The following GRM5 variants were observed in gnomAD, a reference collection of about 807,000 sequenced individuals.
GRM5 encodes the protein glutamate metabotropic receptor 5.
Under a neutral mutation model 83.1 loss-of-function variants are expected in GRM5, and 19 were observed. That is an observed-to-expected ratio of 0.23 (90% CI 0.16 to 0.34). The LOEUF is 0.34. GRM5 is among the 10% of genes least tolerant of loss of function. The probability of loss-of-function intolerance (pLI) is 1.00; values close to 1 mark genes in which losing one functional copy is unlikely to be tolerated. For missense variants in GRM5, 1,160 were observed against 1,588.3 expected (o/e 0.73, Z 4.58); for synonymous variants, 675 against 633.6 (o/e 1.07, Z -0.98).
In GRM5 at chr11:88,630,968, C is replaced by A. The variant is rs527964781; in HGVS notation, c.1147+22200G>T. 1.8e-4 allele frequency among the ~76,000 whole-genome samples: 27 copies of A among 152,290 alleles called. No homozygotes were observed. In the East Asian group the frequency reaches 5.2e-3, roughly 29 times the overall value. On this transcript the variant is annotated intron_variant, in intron 4 of 9. Transcript: ENST00000305447. ...GGCTCTCCTGTCTTCAGTACCATGTCACAGCTGTGGGGACAGCGGTTTCTT... is the reference window on the plus strand; with the variant it reads ...GGCTCTCCTGTCTTCAGTACCATGTAACAGCTGTGGGGACAGCGGTTTCTT...
chr11:88,833,373 C>T (rs1010853251), intron 3 of GRM5, among the ~76,000 whole-genome samples: 1 of 151,958 alleles, frequency 6.6e-6, no homozygotes, highest in African/African-American at 2.4e-5. Flanking sequence ...CCGACAGGTA[C>T]ATGAAGGAAT....
rs1206174296 is a variant in GRM5 at position 88,612,270 on chromosome 11, A to G, written c.1148-7306T>C. Among the ~76,000 whole-genome samples the G allele has an allele frequency of 3.3e-5, 5 of 149,904 alleles. No homozygotes were observed. The East Asian group carries it at 5.8e-4, about 17-fold the overall frequency. On this transcript the variant is annotated intron_variant, in intron 4 of 9. Transcript: ENST00000305447. ...ACTGAGAATGATGATTTCCAATTTC[A>G]TCCATGTCCCTACAAAGGACATGAA... is the stretch of plus-strand genomic sequence containing the variant.
chr11:89,002,885 A>G (rs1430989788), intron 2 of GRM5, among the ~76,000 whole-genome samples: 2 of 152,020 alleles, frequency 1.3e-5, no homozygotes, highest in Non-Finnish European at 2.9e-5. Flanking sequence ...TCTTCTCAGT[A>G]AGGCTCACCC....
At chr11:88,591,624 G>T (rs192725012) in intron 6 of GRM5, among the ~76,000 whole-genome samples, 2 of 152,306 alleles carry the variant, frequency 1.3e-5, no homozygotes, top group East Asian at 3.9e-4. Context: ...AGTCTTAGAT[G>T]CTAACTCTAG....
intron 8 of GRM5, among the ~76,000 whole-genome samples, chr11:88,532,157 C>T (rs1252303174): frequency 1.3e-5 from 2 of 152,156 alleles, no homozygotes; most frequent in African/African-American, 4.8e-5. Context: ...ATGGAATGGA[C>T]ACTAATGAGG....
intron 3 of GRM5, among the ~76,000 whole-genome samples, chr11:88,709,872 A>G (rs1941244742): frequency 6.6e-6 from 1 of 152,138 alleles, no homozygotes; most frequent in Non-Finnish European, 1.5e-5. Context: ...TCTCAATAGG[A>G]AACAACTGTG....
chr11:88,661,583 T>A (rs1265441847), intron 3 of GRM5, among the ~76,000 whole-genome samples: 4 of 152,138 alleles, frequency 2.6e-5, no homozygotes, highest in Non-Finnish European at 5.9e-5. Context: ...TTTGGGATTT[T>A]AAAAAATTCT....
chr11:88,775,048 C>T lies in GRM5; in HGVS notation c.911+74858G>A, dbSNP rs541194706. ...GGTACCAGCTCCTCATTGTAGAATT[C>T]GGCTGTGAATCCTTCTGGTCCTGGA... On this transcript the variant is annotated intron_variant, in intron 3 of 9. Coordinates refer to ENST00000305447, the MANE Select transcript of GRM5 (RefSeq NM_001143831.3). 5.3e-5 allele frequency among the ~76,000 whole-genome samples: 8 copies of T among 151,444 alleles called. No homozygotes were observed. The South Asian group carries it at 8.3e-4, about 16-fold the overall frequency.
intron 4 of GRM5, among the ~76,000 whole-genome samples, chr11:88,626,679 T>A (rs1425742136): frequency 6.6e-6 from 1 of 152,150 alleles, no homozygotes; most frequent in Non-Finnish European, 1.5e-5. Context: ...TTGAAGAAAC[T>A]CTAATTCCTA....
chr11:88,543,873 T>C (rs1011805246), intron 8 of GRM5, among the ~76,000 whole-genome samples: 1 of 152,046 alleles, frequency 6.6e-6, no homozygotes, highest in Non-Finnish European at 1.5e-5. Flanking sequence ...AGCTTGAAAA[T>C]GTCACCAAAA....
At chr11:88,745,782 T>C (rs911135556) in intron 3 of GRM5, among the ~76,000 whole-genome samples, 2 of 152,180 alleles carry the variant, frequency 1.3e-5, no homozygotes, top group Non-Finnish European at 2.9e-5. Context: ...TGGTAGGCTG[T>C]AGTGATAGAG....
chr11:88,623,987 G>C (rs1027040786), intron 4 of GRM5, among the ~76,000 whole-genome samples: 1 of 152,130 alleles, frequency 6.6e-6, no homozygotes, highest in African/African-American at 2.4e-5. Flanking sequence ...ATGTTGTTTG[G>C]AAAAGCAACC....
chr11:88,919,521 G>A (rs1221624945), intron 2 of GRM5, among the ~76,000 whole-genome samples: 2 of 150,974 alleles, frequency 1.3e-5, no homozygotes, highest in Non-Finnish European at 3.0e-5. Flanking sequence ...AGAAATATCA[G>A]ACTTAATAGG....
intron 2 of GRM5, among the ~76,000 whole-genome samples, chr11:88,992,931 G>T (rs985288366): frequency 1.3e-5 from 2 of 151,332 alleles, no homozygotes; most frequent in African/African-American, 2.4e-5. Flanking sequence ...CGAGTTAATG[G>T]GTGTAGCACA....
rs181433995 is a variant in GRM5 at position 88,984,451 on chromosome 11, G to A, written c.661+62761C>T. Among the ~76,000 whole-genome samples the A allele has an allele frequency of 2.3e-3, 344 of 152,206 alleles. 3 individuals carry two copies. The highest frequency in any genetic ancestry group is 0.019 in the East Asian group (98 of 5,186). On this transcript the variant is annotated intron_variant, in intron 2 of 9. Transcript: ENST00000305447. ...AGTGTAGCGTAGGCTATCCCATCTA[G>A]GTTTATGTAAGTACACTCTATGATG...
intron 3 of GRM5, among the ~76,000 whole-genome samples, chr11:88,723,451 G>GTT (rs1941595628): frequency 6.6e-6 from 1 of 152,076 alleles, no homozygotes; most frequent in South Asian, 2.1e-4. Context: ...GTAGGAAACT[G>GTT]TTTGTTCGTT....
chr11:88,975,622 G>A (rs745646145), intron 2 of GRM5, among the ~76,000 whole-genome samples: 2 of 152,194 alleles, frequency 1.3e-5, no homozygotes, highest in Non-Finnish European at 2.9e-5. Context: ...TGATGGAAAT[G>A]TAAAATCCTA....
chr11:88,509,445 A>G lies in GRM5; in HGVS notation c.2786T>C (p.Leu929Pro), dbSNP rs1427027870. Residue 929 changes from leucine (L) to proline (P), a missense_variant, in exon 10 of 10, where the codon CTG becomes CCG. Transcript: ENST00000305447. Reference sequence around the variant, plus strand: ...GATGTGGATGGACAGGCGCTGCCACAGGTGCTGCCCCCGGCTGCTCTTCTC... The same window carrying G: ...GATGTGGATGGACAGGCGCTGCCACGGGTGCTGCCCCCGGCTGCTCTTCTC... ...QNEKSSRGQH[L>P]WQRLSIHINK... The G allele has an allele frequency of 6.2e-7, 1 of 1,612,558 alleles. No homozygotes were observed. The highest frequency in any genetic ancestry group is 1.3e-5 in the African/African-American group (1 of 74,924).
intron 6 of GRM5, among the ~76,000 whole-genome samples, chr11:88,591,902 G>A (rs1442514009): frequency 2.0e-5 from 3 of 152,112 alleles, no homozygotes; most frequent in Non-Finnish European, 2.9e-5. Flanking sequence ...GTCACATACT[G>A]TTATCCCATT....
Sources: allele counts gnomAD v4.1 joint callset (sites outside exome capture counted in the v4.1 genomes callset), GRCh38; gene constraint gnomAD v4.1.1; transcripts MANE v1.5; gene names NCBI Gene and HGNC (gene_info 2026-07-23, HGNC 2026-07-21).